The following CHL1 variants were observed in gnomAD, a reference collection of about 807,000 sequenced individuals.
The protein encoded by CHL1 is neural cell adhesion molecule L1-like protein.
A neutral mutation model predicts 141.9 loss-of-function variants in CHL1; 96 were observed. The ratio of observed to expected loss-of-function variants is 0.68; its 90% CI spans 0.57 to 0.80. CHL1 has a LOEUF of 0.80. Among genes scored for constraint, CHL1 ranks in the 30% least tolerant of loss-of-function variants. The pLI, the probability that CHL1 is intolerant of heterozygous loss-of-function variation, is 0.00. For synonymous variants in CHL1, 613 were observed against 502.2 expected (o/e 1.22, Z -2.95); for missense variants, 1,820 against 1,457.2 (o/e 1.25, Z -4.05).
At position 328,357 on chromosome 3, in the gene CHL1, A is replaced by G; in HGVS notation, c.385+3A>G. 6.2e-7 allele frequency: 1 copy of G among 1,604,318 alleles called. No individual in the cohort carries two copies. The highest frequency in any genetic ancestry group is 1.1e-5 in the South Asian group (1 of 90,044). On this transcript the variant is annotated splice_donor_region_variant and intron_variant, in intron 5 of 27. Transcript: ENST00000256509. The stretch of plus-strand genomic sequence containing the variant: ...AGAAATAGAATTTATAGTTCCAAGT[A>G]AGTACTATAACGGGAATTTCATTTT...
intron 2 of CHL1, among the ~76,000 whole-genome samples, chr3:269,181 G>A (rs1028808987): frequency 6.6e-6 from 1 of 152,200 alleles, no homozygotes; most frequent in African/African-American, 2.4e-5. Context: ...TTGGAGGCAG[G>A]AAGGAGGAGA....
intron 2 of CHL1, among the ~76,000 whole-genome samples, chr3:302,285 G>A (rs1698822738): frequency 6.6e-6 from 1 of 152,158 alleles, no homozygotes; most frequent in Non-Finnish European, 1.5e-5. Flanking sequence ...TGGGTCAAAT[G>A]GTATTTCTAG....
At chr3:344,351 T>G (rs145305900) in intron 8 of CHL1, among the ~76,000 whole-genome samples, 45 of 152,150 alleles carry the variant, frequency 3.0e-4, no homozygotes, top group African/African-American at 9.9e-4. Flanking sequence ...TAAATAATAA[T>G]ATTTATAAAA....
chr3:284,098 G>A (rs1696905515), intron 2 of CHL1, among the ~76,000 whole-genome samples: 1 of 152,152 alleles, frequency 6.6e-6, no homozygotes, highest in Non-Finnish European at 1.5e-5. Context: ...TGAAATGTAA[G>A]TTTCTGCCCT....
In CHL1 at chr3:322,646, A is replaced by ATATATATATATATATATATATATAATTT. The variant is rs1700671710; in HGVS notation, c.91+2806_91+2807insTTATATATATATATATATATATATAATT. Among the ~76,000 whole-genome samples the ATATATATATATATATATATATATAATTT allele has an allele frequency of 1.1e-4, 3 of 27,252 alleles. No individual in the cohort carries two copies. The African/African-American group carries it at 1.6e-3, about 15-fold the overall frequency. The allele number at this position is 27,252 out of a possible 152,430, so 17.9% of individuals were successfully genotyped here. A position where few individuals can be genotyped will look rare whatever the true frequency, so the allele number is the denominator to read the frequency against. On this transcript the variant is annotated intron_variant, in intron 3 of 27. Transcript: ENST00000256509. The stretch of plus-strand genomic sequence containing the variant: ...TCTCTAAATTATATATATATATAAA[A>ATATATATATATATATATATATATAATTT]TATATATATATATATATATATATAA...
At chr3:247,630 A>G (rs765601260) in intron 2 of CHL1, 4 of 152,068 alleles carry the variant, frequency 2.6e-5, no homozygotes, top group Non-Finnish European at 5.9e-5. Context: ...GGATCCTGCT[A>G]TCTTGGCAGT....
At position 340,710 on chromosome 3, in the gene CHL1, G is replaced by GAA. The variant is rs551682463; in HGVS notation, c.386-77_386-76dup. 379 of 1,159,342 alleles carry GAA rather than the reference G, an allele frequency of 3.3e-4. 1 individual carries two copies. The African/African-American group carries it at 5.3e-3, about 16-fold the overall frequency. The allele number at this position is 1,159,342 out of a possible 1,614,324, so 71.8% of individuals were successfully genotyped here. ...GAATTTATTTAAATTGCTGAATTTT[G>GAA]AAAAAAAAGAACATATTAAGATATT... On this transcript the variant is annotated intron_variant, in intron 5 of 27. Coordinates refer to ENST00000256509, the MANE Select transcript of CHL1 (RefSeq NM_006614.4).
At chr3:257,510 T>C (rs530353201) in intron 2 of CHL1, among the ~76,000 whole-genome samples, 67 of 152,092 alleles carry the variant, frequency 4.4e-4, no homozygotes, top group African/African-American at 1.5e-3. Flanking sequence ...CCTGCCACCA[T>C]GCCTGGCTAA....
chr3:335,998 T>G (rs181030264), intron 5 of CHL1, among the ~76,000 whole-genome samples: 1 of 152,198 alleles, frequency 6.6e-6, no homozygotes, highest in Non-Finnish European at 1.5e-5. Flanking sequence ...ATATTTAAAT[T>G]TCAACATAAA....
chr3:361,552 A>C, intron 12 of CHL1, 147 bp from the exon 13 acceptor site: 1 of 558,214 alleles, frequency 1.8e-6, no homozygotes, highest in Non-Finnish European at 3.2e-6. Context: ...AATGTATTGA[A>C]TTGGGATACT....
At position 269,717 on chromosome 3, in the gene CHL1, G is replaced by T. The variant is rs549772052; in HGVS notation, c.-95+25025G>T. Among the ~76,000 whole-genome samples, 44 of 152,298 alleles carry T rather than the reference G, an allele frequency of 2.9e-4. 1 individual carries two copies. The highest frequency in any genetic ancestry group is 7.0e-4 in the African/African-American group (29 of 41,562). On this transcript the variant is annotated intron_variant, in intron 2 of 27. Coordinates refer to ENST00000256509, the MANE Select transcript of CHL1 (RefSeq NM_006614.4). ...ATTTTATCTTTTTAGTAGAGATGGGGTTTCAACCATGTTGGTCACGCTGGT... is the reference window on the plus strand; with the variant it reads ...ATTTTATCTTTTTAGTAGAGATGGGTTTTCAACCATGTTGGTCACGCTGGT...
chr3:226,155 G>A (rs891274984), intron 1 of CHL1, among the ~76,000 whole-genome samples: 1 of 150,242 alleles, frequency 6.7e-6, no homozygotes, highest in African/African-American at 2.4e-5. Context: ...TGAGTAGCTG[G>A]GACTACAGGC....
chr3:265,864 T>C (rs1695104867), intron 2 of CHL1, among the ~76,000 whole-genome samples: 1 of 152,150 alleles, frequency 6.6e-6, no homozygotes, highest in Non-Finnish European at 1.5e-5. Flanking sequence ...AGATTTCTCC[T>C]CAGTATTCAA....
intron 2 of CHL1, among the ~76,000 whole-genome samples, chr3:278,747 C>A (rs182998863): frequency 1.4e-3 from 217 of 152,284 alleles, no homozygotes; most frequent in African/African-American, 4.6e-3. Flanking sequence ...TGTAGAAGTA[C>A]ACACACTGCT....
intron 16 of CHL1, among the ~76,000 whole-genome samples, chr3:378,307 G>A (rs920207117): frequency 1.3e-4 from 20 of 152,134 alleles, no homozygotes; most frequent in African/African-American, 4.6e-4. Context: ...GGAGGATCTC[G>A]ATAGGGGTCA....
intron 16 of CHL1, 24 bp downstream of exon 16, chr3:377,966 A>C: frequency 6.3e-7 from 1 of 1,579,016 alleles, no homozygotes; most frequent in Middle Eastern, 1.7e-4. Flanking sequence ...CTAATGAGAA[A>C]TCTGTTCATT....
At chr3:235,566 T>G (rs1691884310) in intron 1 of CHL1, among the ~76,000 whole-genome samples, 1 of 152,172 alleles carries the variant, frequency 6.6e-6, no homozygotes, top group Non-Finnish European at 1.5e-5. Flanking sequence ...TAGTTCAAGG[T>G]GGTATCTGAG....
At chr3:202,856 C>T (rs1487208514) in intron 1 of CHL1, among the ~76,000 whole-genome samples, 1 of 152,178 alleles carries the variant, frequency 6.6e-6, no homozygotes, top group Non-Finnish European at 1.5e-5. Context: ...CCAAATGTCT[C>T]TGTGAAGATG....
chr3:392,360 G>A (rs974656006), intron 23 of CHL1, among the ~76,000 whole-genome samples: 5 of 152,194 alleles, frequency 3.3e-5, no homozygotes, highest in Non-Finnish European at 5.9e-5. Context: ...ATGTCTATGG[G>A]TTGCTCACTG....
Sources: allele counts gnomAD v4.1 joint callset (sites outside exome capture counted in the v4.1 genomes callset), GRCh38; gene constraint gnomAD v4.1.1; transcripts MANE v1.5; gene names NCBI Gene and HGNC (gene_info 2026-07-23, HGNC 2026-07-21).